DNAJC24: variants seen among roughly 807,000 people sequenced by gnomAD.
DNAJC24 encodes DnaJ heat shock protein family (Hsp40) member C24.
A neutral mutation model predicts 18.0 loss-of-function variants in DNAJC24; 17 were observed. The ratio of observed to expected loss-of-function variants is 0.94; its 90% CI spans 0.65 to 1.42. DNAJC24 has a LOEUF of 1.42. DNAJC24 is among the 40% of genes most tolerant of loss of function. The pLI is 0.00. For synonymous variants in DNAJC24, 55 were observed against 57.7 expected (o/e 0.95, Z 0.21); for missense variants, 158 against 175.6 (o/e 0.90, Z 0.57).
intron 2 of DNAJC24, chr11:31,396,191 T>A (rs1330171432): frequency 2.4e-6 from 1 of 420,162 alleles, no homozygotes; most frequent in African/African-American, 2.1e-5. Context: ...TTGTAAGTCT[T>A]GAATTTTGAA....
At chr11:31,376,863 T>A (rs1479305548) in intron 2 of DNAJC24, among the ~76,000 whole-genome samples, 1 of 152,190 alleles carries the variant, frequency 6.6e-6, no homozygotes, top group Non-Finnish European at 1.5e-5. Context: ...CTAGATTTTT[T>A]ATGGCTTATG....
chr11:31,417,488 A>G (rs1463207068), intron 3 of DNAJC24: 2 of 152,152 alleles, frequency 1.3e-5, no homozygotes, highest in South Asian at 2.1e-4. Flanking sequence ...AATTTGTTAA[A>G]GACCAGGATA....
chr11:31,390,641 G>A (rs1952485079), intron 2 of DNAJC24, among the ~76,000 whole-genome samples: 1 of 150,586 alleles, frequency 6.6e-6, no homozygotes, highest in Non-Finnish European at 1.5e-5. Context: ...GGGAGGTGGA[G>A]GTTGCAGTGA....
At chr11:31,383,373 T>C (rs937115987) in intron 2 of DNAJC24, among the ~76,000 whole-genome samples, 3 of 152,100 alleles carry the variant, frequency 2.0e-5, no homozygotes, top group African/African-American at 7.2e-5. Context: ...ATACAAAAGA[T>C]ACTCTTCACT....
At chr11:31,401,614 A>G (rs1043358497) in intron 2 of DNAJC24, among the ~76,000 whole-genome samples, 4 of 151,826 alleles carry the variant, frequency 2.6e-5, no homozygotes, top group Admixed American at 6.6e-5. Context: ...CAATCTCTCA[A>G]TTTTGTCTCA....
chr11:31,428,282 T>C (rs1233312265), intron 4 of DNAJC24, among the ~76,000 whole-genome samples: 2 of 152,136 alleles, frequency 1.3e-5, no homozygotes, highest in Non-Finnish European at 2.9e-5. Context: ...CTTAAAAGTA[T>C]AGGATGCCCT....
chr11:31,404,290 A>G (rs540713633), intron 2 of DNAJC24, among the ~76,000 whole-genome samples: 1 of 152,292 alleles, frequency 6.6e-6, no homozygotes, highest in African/African-American at 2.4e-5. Context: ...CCCAGCTCCT[A>G]TTCAAGATGG....
intron 2 of DNAJC24, among the ~76,000 whole-genome samples, chr11:31,378,419 A>G (rs1952340457): frequency 6.6e-6 from 1 of 152,226 alleles, no homozygotes; most frequent in Non-Finnish European, 1.5e-5. Flanking sequence ...AGCATTTTAA[A>G]TGAATAACTT....
intron 2 of DNAJC24, among the ~76,000 whole-genome samples, chr11:31,373,526 G>A (rs1244993139): frequency 7.4e-6 from 1 of 134,996 alleles, no homozygotes. Flanking sequence ...CAAAGTCATT[G>A]TAAAGTTAGT....
rs1952739732 is a variant in DNAJC24 at position 31,414,921 on chromosome 11, A to G, written c.222A>G (p.Thr74=). 1 of 1,613,904 alleles carries G rather than the reference A, an allele frequency of 6.2e-7. No individual in the cohort carries two copies. Among genetic ancestry groups the G allele is most frequent in the African/African-American group, 1.3e-5 (1 of 74,938 alleles). Residue 74 remains threonine (T), a synonymous_variant, in exon 3 of 5, where the codon ACA becomes ACG. Transcript: ENST00000465995. ...QAWKILGNEE[T]KREYDLQRCE... ...GGAAAATTCTAGGAAATGAAGAGAC[A>G]AAAAGAGAGTATGACCTGCAGCGGT...
chr11:31,410,546 T>C (rs1214939399), intron 2 of DNAJC24, among the ~76,000 whole-genome samples: 1 of 152,234 alleles, frequency 6.6e-6, no homozygotes, highest in Non-Finnish European at 1.5e-5. Context: ...TGAAGTTCAG[T>C]TTATCAGTTT....
chr11:31,411,538 T>C (rs1213675644), intron 2 of DNAJC24, among the ~76,000 whole-genome samples: 4 of 152,202 alleles, frequency 2.6e-5, no homozygotes, highest in African/African-American at 9.7e-5. Flanking sequence ...AATCCATTGC[T>C]TGTCTTTTCC....
At chr11:31,400,197 TG>T (rs1952586768) in intron 2 of DNAJC24, among the ~76,000 whole-genome samples, 1 of 152,206 alleles carries the variant, frequency 6.6e-6, no homozygotes, top group South Asian at 2.1e-4. Flanking sequence ...TCTTTGCTAT[TG>T]TAAATGTGCT....
chr11:31,390,434 G>A (rs1272747566), intron 2 of DNAJC24, among the ~76,000 whole-genome samples: 1 of 149,422 alleles, frequency 6.7e-6, no homozygotes. Flanking sequence ...AAGGCCGGGT[G>A]CGGTGGCTCA....
intron 2 of DNAJC24, among the ~76,000 whole-genome samples, chr11:31,386,423 A>G (rs977012269): frequency 2.0e-5 from 3 of 146,446 alleles, no homozygotes; most frequent in Non-Finnish European, 4.5e-5. Context: ...ACAGTAGAAT[A>G]GGGTATCAGG....
chr11:31,401,995 A>T (rs933136513), intron 2 of DNAJC24, among the ~76,000 whole-genome samples: 2 of 152,226 alleles, frequency 1.3e-5, no homozygotes, highest in Non-Finnish European at 2.9e-5. Context: ...TTTTGACTAG[A>T]TACAGCCCTG....
intron 2 of DNAJC24, among the ~76,000 whole-genome samples, chr11:31,399,132 T>C (rs1384597503): frequency 6.6e-6 from 1 of 152,168 alleles, no homozygotes; most frequent in Non-Finnish European, 1.5e-5. Flanking sequence ...CTGCACAAGA[T>C]TTAAAATTGT....
intron 2 of DNAJC24, among the ~76,000 whole-genome samples, chr11:31,409,263 A>G (rs946200229): frequency 1.3e-5 from 2 of 152,184 alleles, no homozygotes; most frequent in African/African-American, 4.8e-5. Context: ...TTCTGTTGAT[A>G]TTGTCAACAT....
intron 3 of DNAJC24, among the ~76,000 whole-genome samples, chr11:31,425,234 G>A (rs773345917): frequency 2.0e-5 from 3 of 152,138 alleles, no homozygotes; most frequent in Non-Finnish European, 4.4e-5. Flanking sequence ...CATTTGTGTT[G>A]TGGGGTTATT....
Sources: allele counts gnomAD v4.1 joint callset (sites outside exome capture counted in the v4.1 genomes callset), GRCh38; gene constraint gnomAD v4.1.1; transcripts MANE v1.5; gene names NCBI Gene and HGNC (gene_info 2026-07-23, HGNC 2026-07-21).